CDH12: variants seen among roughly 807,000 people sequenced by gnomAD.
The protein encoded by CDH12 is cadherin 12, also known as cadherin-12.
Under a neutral mutation model 74.1 loss-of-function variants are expected in CDH12, and 41 were observed. The ratio of observed to expected loss-of-function variants is 0.55; its 90% CI spans 0.43 to 0.72. The LOEUF is 0.72. Among genes scored for constraint, CDH12 ranks in the 30% least tolerant of loss-of-function variants. CDH12 has a pLI of 0.00. For synonymous variants in CDH12, 399 were observed against 355.0 expected (o/e 1.12, Z -1.39); for missense variants, 945 against 977.2 (o/e 0.97, Z 0.44).
intron 4 of CDH12, among the ~76,000 whole-genome samples, chr5:22,156,076 G>T (rs1748005347): frequency 6.6e-6 from 1 of 152,072 alleles, no homozygotes; most frequent in African/African-American, 2.4e-5. Context: ...ATATATAAAA[G>T]ATAACATTAA....
At chr5:22,322,739 T>C (rs1476861598) in intron 3 of CDH12, among the ~76,000 whole-genome samples, 1 of 152,310 alleles carries the variant, frequency 6.6e-6, no homozygotes, top group East Asian at 1.9e-4. Flanking sequence ...GACTTTTTAT[T>C]GATGAAGAAT....
chr5:22,123,611 G>C (rs1438751062), intron 4 of CDH12, among the ~76,000 whole-genome samples: 1 of 152,092 alleles, frequency 6.6e-6, no homozygotes, highest in Non-Finnish European at 1.5e-5. Context: ...ATGGTTATAA[G>C]GCATACAGAT....
chr5:21,912,243 A>G (rs1466788765), intron 6 of CDH12, among the ~76,000 whole-genome samples: 1 of 152,152 alleles, frequency 6.6e-6, no homozygotes, highest in Non-Finnish European at 1.5e-5. Flanking sequence ...CCAGAAACAT[A>G]GTGTGCTTTC....
At chr5:22,045,655 T>C (rs1216230587) in intron 5 of CDH12, among the ~76,000 whole-genome samples, 1 of 147,482 alleles carries the variant, frequency 6.8e-6, no homozygotes, top group African/African-American at 2.5e-5. Context: ...ATAGATAAAG[T>C]TGGAGGGCAT....
intron 1 of CDH12, among the ~76,000 whole-genome samples, chr5:22,808,218 T>C (rs1748918711): frequency 6.6e-6 from 1 of 152,224 alleles, no homozygotes. Context: ...TCATGCTATC[T>C]ACTCTATATT....
intron 1 of CDH12, among the ~76,000 whole-genome samples, chr5:22,753,439 G>GA (rs879438509): frequency 9.3e-4 from 119 of 128,202 alleles, no homozygotes; most frequent in South Asian, 2.5e-3. Flanking sequence ...TGTGTCAGAA[G>GA]AAAAAAAAAA....
chr5:22,595,874 G>A (rs1396452446), intron 1 of CDH12, among the ~76,000 whole-genome samples: 2 of 151,886 alleles, frequency 1.3e-5, no homozygotes, highest in Admixed American at 6.6e-5. Flanking sequence ...TCAGGAGCTC[G>A]AGACCATCCT....
At chr5:22,425,360 A>G (rs1043461462) in intron 2 of CDH12, among the ~76,000 whole-genome samples, 1 of 151,248 alleles carries the variant, frequency 6.6e-6, no homozygotes, top group African/African-American at 2.4e-5. Flanking sequence ...CCTTAATAAT[A>G]GTGTGTCAAC....
chr5:21,936,732 G>T (rs982606382), intron 6 of CDH12, among the ~76,000 whole-genome samples: 1 of 152,116 alleles, frequency 6.6e-6, no homozygotes, highest in Non-Finnish European at 1.5e-5. Flanking sequence ...TGTGTCATGG[G>T]GAGGGACCTG....
chr5:22,601,222 T>C (rs1035272568), intron 1 of CDH12, among the ~76,000 whole-genome samples: 3 of 152,118 alleles, frequency 2.0e-5, no homozygotes, highest in African/African-American at 7.2e-5. Flanking sequence ...TGTGCAGTTT[T>C]GTTATACAGG....
intron 2 of CDH12, among the ~76,000 whole-genome samples, chr5:22,481,947 A>T: frequency 6.6e-6 from 1 of 152,336 alleles, no homozygotes; most frequent in Non-Finnish European, 1.5e-5. Context: ...TTGTAAAATT[A>T]TATACATTAA....
At chr5:22,724,432 G>A (rs1744059319) in intron 1 of CDH12, among the ~76,000 whole-genome samples, 1 of 151,670 alleles carries the variant, frequency 6.6e-6, no homozygotes, top group Non-Finnish European at 1.5e-5. Context: ...TCATTCTTAT[G>A]CCTTGGCATA....
intron 1 of CDH12, among the ~76,000 whole-genome samples, chr5:22,749,273 C>G (rs1323066942): frequency 1.3e-5 from 2 of 152,210 alleles, no homozygotes; most frequent in African/African-American, 4.8e-5. Context: ...GTCTGAAGCG[C>G]AGGTGAGAAA....
intron 3 of CDH12, among the ~76,000 whole-genome samples, chr5:22,241,803 T>A (rs955223582): frequency 1.1e-4 from 17 of 152,014 alleles, no homozygotes; most frequent in Non-Finnish European, 2.1e-4. Context: ...TCCAACCAAA[T>A]TTATTTTATT....
intron 4 of CDH12, among the ~76,000 whole-genome samples, chr5:22,138,302 C>A (rs1281588640): frequency 6.6e-6 from 1 of 151,816 alleles, no homozygotes; most frequent in East Asian, 1.9e-4. Flanking sequence ...CTATGTACCT[C>A]ATTTGCAATG....
chr5:21,809,455 T>C (rs967921728), intron 9 of CDH12, among the ~76,000 whole-genome samples: 8 of 152,130 alleles, frequency 5.3e-5, no homozygotes, highest in Non-Finnish European at 7.4e-5. Flanking sequence ...CCAATTATCT[T>C]TTCTAACATG....
intron 1 of CDH12, among the ~76,000 whole-genome samples, chr5:22,724,522 T>C (rs1306069669): frequency 6.6e-6 from 1 of 152,040 alleles, no homozygotes; most frequent in Non-Finnish European, 1.5e-5. Context: ...CTTAGAATAA[T>C]CACCTCCAGC....
At chr5:22,168,425 G>T (rs1748819172) in intron 4 of CDH12, among the ~76,000 whole-genome samples, 1 of 151,948 alleles carries the variant, frequency 6.6e-6, no homozygotes, top group Admixed American at 6.6e-5. Context: ...CATATATTTT[G>T]CTCTTGTCAG....
chr5:22,300,396 C>T (rs186932400), intron 3 of CDH12, among the ~76,000 whole-genome samples: 28 of 151,114 alleles, frequency 1.9e-4, no homozygotes, highest in East Asian at 9.7e-4. Flanking sequence ...CCCAGGAAAG[C>T]GGATGTTTCT....
Sources: gnomAD v4.1 joint callset for allele counts (sites outside exome capture counted in the v4.1 genomes callset) on GRCh38, gnomAD v4.1.1 for gene constraint, MANE v1.5 for transcripts, NCBI Gene and HGNC (gene_info 2026-07-23, HGNC 2026-07-21) for gene names.